The following MIPOL1 variants were observed in gnomAD, a reference collection of about 807,000 sequenced individuals.
The protein encoded by MIPOL1 is mirror-image polydactyly 1.
A neutral mutation model predicts 60.9 loss-of-function variants in MIPOL1; 57 were observed. That is an observed-to-expected ratio of 0.94 (90% CI 0.76 to 1.17). MIPOL1 has a LOEUF of 1.17. MIPOL1 is among the 50% of genes most tolerant of loss of function. The pLI, the probability that MIPOL1 is intolerant of heterozygous loss-of-function variation, is 0.00. For missense variants in MIPOL1, 551 were observed against 511.6 expected, an observed-to-expected ratio of 1.08 and a Z score of -0.74; for synonymous variants, 179 against 168.8, an observed-to-expected ratio of 1.06 and a Z score of -0.47.
chr14:37,507,796 T>C (rs2095292449), intron 12 of MIPOL1: 1 of 152,144 alleles, frequency 6.6e-6, no homozygotes, highest in Non-Finnish European at 1.5e-5. Context: ...AAAAATTCAC[T>C]GTCTCTTCCT....
intron 11 of MIPOL1, among the ~76,000 whole-genome samples, chr14:37,451,517 G>T (rs919698869): frequency 1.3e-5 from 2 of 151,696 alleles, no homozygotes; most frequent in African/African-American, 4.9e-5. Flanking sequence ...TGCCATTTCG[G>T]GTGGGTCTGT....
chr14:37,433,758 G>C (rs538548766), intron 11 of MIPOL1, among the ~76,000 whole-genome samples: 1 of 152,156 alleles, frequency 6.6e-6, no homozygotes, highest in Non-Finnish European at 1.5e-5. Context: ...GTTTCACCAT[G>C]TTGGCCAGGC....
intron 6 of MIPOL1, among the ~76,000 whole-genome samples, chr14:37,283,057 CTGTTTGTT>C (rs148441225): frequency 0.31 from 45,854 of 148,892 alleles, 7,157 homozygotes; most frequent in East Asian, 0.46. Flanking sequence ...TTTGATGTTG[CTGTTTGTT>C]TGTTTGTTTG....
intron 11 of MIPOL1, among the ~76,000 whole-genome samples, chr14:37,437,000 ATAT>A (rs1462842885): frequency 6.6e-6 from 1 of 152,182 alleles, no homozygotes; most frequent in Non-Finnish European, 1.5e-5. Flanking sequence ...CAGTATAAAA[ATAT>A]TATGCCCCAC....
At chr14:37,361,108 G>A (rs751107193) in intron 9 of MIPOL1, among the ~76,000 whole-genome samples, 15 of 151,946 alleles carry the variant, frequency 9.9e-5, no homozygotes, top group East Asian at 3.9e-4. Flanking sequence ...GTTGTTCAGC[G>A]TTTATGTAGT....
chr14:37,444,942 A>G (rs1436181297), intron 11 of MIPOL1, among the ~76,000 whole-genome samples: 3 of 152,210 alleles, frequency 2.0e-5, no homozygotes, highest in Non-Finnish European at 2.9e-5. Context: ...AATAAGAGCT[A>G]TCTATGACAA....
chr14:37,392,072 G>A (rs975112453), intron 10 of MIPOL1, among the ~76,000 whole-genome samples: 1 of 151,842 alleles, frequency 6.6e-6, no homozygotes, highest in Non-Finnish European at 1.5e-5. Flanking sequence ...TTTCAGAATT[G>A]TTTTAGCTAT....
intron 12 of MIPOL1, among the ~76,000 whole-genome samples, chr14:37,540,453 C>G (rs4898640): frequency 0.77 from 116,520 of 152,130 alleles, 45,162 homozygotes; most frequent in African/African-American, 0.89. Context: ...ATTTTTATAT[C>G]TATCTGTGTG....
In MIPOL1 at chr14:37,366,814, A is replaced by T. The variant is rs192344908; in HGVS notation, c.829-2703A>T. On this transcript the variant is annotated intron_variant, in intron 9 of 12. Coordinates refer to ENST00000684589, the MANE Select transcript of MIPOL1 (RefSeq NM_001388067.1). ...CTTTAGCTCTAATAATACTTGCTTTATATATATATGGATGCTCGAATGTTG... is the reference window on the plus strand; with the variant it reads ...CTTTAGCTCTAATAATACTTGCTTTTTATATATATGGATGCTCGAATGTTG... Among the ~76,000 whole-genome samples, 83 of 152,016 alleles carry T rather than the reference A, an allele frequency of 5.5e-4. No homozygotes were observed. In the East Asian group the frequency reaches 6.6e-3, roughly 12 times the overall value.
chr14:37,514,891 T>C (rs886911821), intron 12 of MIPOL1, among the ~76,000 whole-genome samples: 2 of 152,176 alleles, frequency 1.3e-5, no homozygotes, highest in African/African-American at 4.8e-5. Flanking sequence ...GACACGTAGG[T>C]ATACTAGGTA....
intron 11 of MIPOL1, among the ~76,000 whole-genome samples, chr14:37,485,528 A>G (rs185594526): frequency 1.1e-4 from 17 of 152,232 alleles, no homozygotes; most frequent in African/African-American, 3.9e-4. Flanking sequence ...CACCATTCTA[A>G]CTGGCGTGAG....
intron 11 of MIPOL1, among the ~76,000 whole-genome samples, chr14:37,432,853 T>C (rs2094098107): frequency 6.6e-6 from 1 of 152,186 alleles, no homozygotes; most frequent in Non-Finnish European, 1.5e-5. Context: ...ATCTAGGAGA[T>C]CTGGCAATGT....
At chr14:37,216,753 A>G (rs932282629) in intron 1 of MIPOL1, among the ~76,000 whole-genome samples, 1 of 152,174 alleles carries the variant, frequency 6.6e-6, no homozygotes, top group East Asian at 1.9e-4. Context: ...TGGAAACACA[A>G]CATAACAAAA....
chr14:37,302,096 T>TCTGGA (rs1156684348), intron 7 of MIPOL1, among the ~76,000 whole-genome samples: 9 of 145,278 alleles, frequency 6.2e-5, no homozygotes, highest in Non-Finnish European at 1.4e-4. Flanking sequence ...ACATATATTT[T>TCTGGA]CAAATCAGTT....
At chr14:37,541,699 C>T (rs77935092) in intron 12 of MIPOL1, among the ~76,000 whole-genome samples, 9,453 of 152,216 alleles carry the variant, frequency 0.062, 613 homozygotes, top group African/African-American at 0.16. Flanking sequence ...GAATCTAGCA[C>T]GTATGAGATC....
intron 10 of MIPOL1, among the ~76,000 whole-genome samples, chr14:37,377,276 G>A (rs964709792): frequency 2.0e-5 from 3 of 152,128 alleles, no homozygotes; most frequent in Non-Finnish European, 4.4e-5. Context: ...ATCTGCAGCA[G>A]TAGGGGAGGA....
intron 3 of MIPOL1, among the ~76,000 whole-genome samples, chr14:37,248,299 G>C (rs1973506042): frequency 6.6e-6 from 1 of 152,056 alleles, no homozygotes; most frequent in Non-Finnish European, 1.5e-5. Flanking sequence ...GAGATCCTCA[G>C]AGAAAGAGAC....
chr14:37,483,643 GT>G (rs949251183), intron 11 of MIPOL1, among the ~76,000 whole-genome samples: 10 of 150,224 alleles, frequency 6.7e-5, no homozygotes, highest in Admixed American at 2.0e-4. Context: ...GATTTGAAAT[GT>G]TTTTTTTTAA....
At chr14:37,467,602 G>A (rs541076984) in intron 11 of MIPOL1, among the ~76,000 whole-genome samples, 2 of 152,224 alleles carry the variant, frequency 1.3e-5, no homozygotes, top group East Asian at 3.9e-4. Context: ...TTATCTATGG[G>A]ATCTGCTATG....
Sources: allele counts gnomAD v4.1 joint callset (sites outside exome capture counted in the v4.1 genomes callset), GRCh38; gene constraint gnomAD v4.1.1; transcripts MANE v1.5; gene names NCBI Gene and HGNC (gene_info 2026-07-23, HGNC 2026-07-21).